Variants in ITFG1 observed in about 807,000 individuals in gnomAD.
ITFG1 encodes the protein T-cell immunomodulatory protein.
Under a neutral mutation model 81.8 loss-of-function variants are expected in ITFG1, and 34 were observed. The ratio of observed to expected loss-of-function variants is 0.42; its 90% CI spans 0.32 to 0.55. The LOEUF (loss-of-function observed/expected upper bound fraction) is 0.55. Ranked by LOEUF, ITFG1 falls within the 20% of genes least tolerant of loss-of-function variation. The probability of loss-of-function intolerance (pLI) is 0.17; values close to 1 mark genes in which losing one functional copy is unlikely to be tolerated. For synonymous variants in ITFG1, 285 were observed against 270.6 expected, an observed-to-expected ratio of 1.05 and a Z score of -0.52; for missense variants, 672 against 755.4, an observed-to-expected ratio of 0.89 and a Z score of 1.29.
At chr16:47,444,188 CAA>C (rs1324923068) in intron 5 of ITFG1, among the ~76,000 whole-genome samples, 1 of 151,972 alleles carries the variant, frequency 6.6e-6, no homozygotes, top group Non-Finnish European at 1.5e-5. Flanking sequence ...TAAAAGCAGT[CAA>C]GAGTACAATA....
chr16:47,368,103 G>A (rs561060811), intron 7 of ITFG1, among the ~76,000 whole-genome samples: 1 of 152,068 alleles, frequency 6.6e-6, no homozygotes, highest in East Asian at 1.9e-4. Context: ...GCATGTTGGC[G>A]GGTGCCTGTA....
intron 8 of ITFG1, among the ~76,000 whole-genome samples, chr16:47,341,537 GA>G (rs1186248154): frequency 6.6e-6 from 1 of 150,562 alleles, no homozygotes; most frequent in Non-Finnish European, 1.5e-5. Flanking sequence ...GAAGAAAAAA[GA>G]TCTCAAATCA....
At chr16:47,178,391 G>T (rs967632088) in intron 14 of ITFG1, among the ~76,000 whole-genome samples, 1 of 152,100 alleles carries the variant, frequency 6.6e-6, no homozygotes, top group Non-Finnish European at 1.5e-5. Flanking sequence ...GTCCTACTTA[G>T]TGCTCAGCAT....
At chr16:47,403,366 A>C (rs2151600007) in intron 6 of ITFG1, among the ~76,000 whole-genome samples, 1 of 152,196 alleles carries the variant, frequency 6.6e-6, no homozygotes, top group South Asian at 2.1e-4. Context: ...CCAATTCTAT[A>C]ATACAAGTGT....
At chr16:47,246,210 ACCT>A (rs1370263365) in intron 12 of ITFG1, among the ~76,000 whole-genome samples, 8 of 152,118 alleles carry the variant, frequency 5.3e-5, no homozygotes, top group African/African-American at 1.4e-4. Flanking sequence ...TTTTCACAAG[ACCT>A]CCTGTCAAAT....
chr16:47,280,749 C>G (rs967431201), intron 10 of ITFG1, among the ~76,000 whole-genome samples: 8 of 152,066 alleles, frequency 5.3e-5, no homozygotes, highest in Non-Finnish European at 7.4e-5. Flanking sequence ...TCAGTCTCAC[C>G]CCCTAATCGT....
rs144884229 is a variant in ITFG1, at chr16:47,280,515, T to G, written c.1071-19820A>C. 5.3e-3 allele frequency among the ~76,000 whole-genome samples: 804 copies of G among 152,316 alleles called. 7 individuals are homozygous for G. The highest frequency in any genetic ancestry group is 0.037 in the Middle Eastern group (11 of 294). On this transcript the variant is annotated intron_variant, in intron 10 of 17. Transcript: ENST00000320640. ...ATTCTTTGGTATAATGGGAAATATA[T>G]ATTTGGTCTTGGTCCCCAGTTCCTG... is the stretch of plus-strand genomic sequence containing the variant.
In ITFG1 at chr16:47,366,871, CAT is replaced by C. The variant is rs1968184318; in HGVS notation, c.721-1004_721-1003del. On this transcript the variant is annotated intron_variant, in intron 7 of 17. Transcript: ENST00000320640. Reference sequence around the variant, plus strand: ...ATGCTCTCTCACAAGAATCAACAGACATAAGACTTCTGTGACTAAATGTGGGG... The same window carrying C: ...ATGCTCTCTCACAAGAATCAACAGACAAGACTTCTGTGACTAAATGTGGGG... Among the ~76,000 whole-genome samples, 4 of 152,196 alleles carry C rather than the reference CAT, an allele frequency of 2.6e-5. No homozygotes were observed. The South Asian group carries it at 8.3e-4, about 32-fold the overall frequency.
intron 10 of ITFG1, among the ~76,000 whole-genome samples, chr16:47,285,603 G>A (rs1386335367): frequency 1.3e-5 from 2 of 152,162 alleles, no homozygotes; most frequent in African/African-American, 2.4e-5. Flanking sequence ...CTATCTCCAG[G>A]AGTGTTGGAA....
Position 47,414,516 on chromosome 16 carries a change from ACT to A in ITFG1, c.655+14286_655+14287del, listed in dbSNP as rs1363025256. On this transcript the variant is annotated intron_variant, in intron 6 of 17. Coordinates refer to ENST00000320640, the MANE Select transcript of ITFG1 (RefSeq NM_030790.5). ...ACTCAAGCCTGGGTGACTGAGTGAG[ACT>A]CTGTCGTAAAACAAAAAACAAAAAA... is the stretch of plus-strand genomic sequence containing the variant. 9.9e-5 allele frequency among the ~76,000 whole-genome samples: 15 copies of A among 152,038 alleles called. No homozygotes were observed. The East Asian group carries it at 2.7e-3, about 28-fold the overall frequency.
intron 8 of ITFG1, among the ~76,000 whole-genome samples, chr16:47,330,149 A>T (rs1280724857): frequency 6.6e-6 from 1 of 152,032 alleles, no homozygotes; most frequent in Non-Finnish European, 1.5e-5. Flanking sequence ...GCACACCCAT[A>T]AAAAAATGAT....
At chr16:47,221,267 T>G (rs2151527904) in intron 13 of ITFG1, among the ~76,000 whole-genome samples, 1 of 152,286 alleles carries the variant, frequency 6.6e-6, no homozygotes, top group Non-Finnish European at 1.5e-5. Context: ...CATCAATACC[T>G]AATTTATTGA....
At chr16:47,178,211 C>T (rs1000115988) in intron 14 of ITFG1, among the ~76,000 whole-genome samples, 1 of 152,214 alleles carries the variant, frequency 6.6e-6, no homozygotes, top group Admixed American at 6.5e-5. Context: ...AGCAGCTGGG[C>T]TCTGCCTGAT....
intron 14 of ITFG1, among the ~76,000 whole-genome samples, chr16:47,201,605 G>A (rs537154238): frequency 2.6e-4 from 40 of 152,156 alleles, no homozygotes; most frequent in African/African-American, 9.6e-4. Context: ...TTGATTTTAA[G>A]ACAACATTAT....
At chr16:47,433,264 T>C (rs1969116321) in intron 5 of ITFG1, among the ~76,000 whole-genome samples, 2 of 152,216 alleles carry the variant, frequency 1.3e-5, no homozygotes, top group South Asian at 2.1e-4. Flanking sequence ...ATGTGTTTTA[T>C]TGGGCCCATA....
intron 10 of ITFG1, among the ~76,000 whole-genome samples, chr16:47,285,284 G>A (rs1158102956): frequency 3.9e-5 from 6 of 152,324 alleles, no homozygotes; most frequent in South Asian, 2.1e-4. Context: ...GTAAACATCC[G>A]AGCTGAACAA....
At chr16:47,239,329 T>C (rs1160282204) in intron 12 of ITFG1, among the ~76,000 whole-genome samples, 1 of 152,150 alleles carries the variant, frequency 6.6e-6, no homozygotes, top group Non-Finnish European at 1.5e-5. Context: ...GCCTCCCTAG[T>C]AGCTGGGACT....
intron 8 of ITFG1, among the ~76,000 whole-genome samples, chr16:47,345,311 G>GT (rs976910219): frequency 4.8e-5 from 7 of 146,150 alleles, no homozygotes; most frequent in Non-Finnish European, 7.6e-5. Context: ...TTGTTTGTTT[G>GT]TTTTTTTTAG....
chr16:47,255,604 G>A (rs1966130331), intron 12 of ITFG1, among the ~76,000 whole-genome samples: 1 of 152,106 alleles, frequency 6.6e-6, no homozygotes, highest in Non-Finnish European at 1.5e-5. Context: ...AGAGAAGAAG[G>A]GAACACTGTT....
Sources: gnomAD v4.1 joint callset for allele counts (sites outside exome capture counted in the v4.1 genomes callset) on GRCh38, gnomAD v4.1.1 for gene constraint, MANE v1.5 for transcripts, NCBI Gene and HGNC (gene_info 2026-07-23, HGNC 2026-07-21) for gene names.